CCBE1: variants seen among roughly 807,000 people sequenced by gnomAD.
The protein encoded by CCBE1 is collagen and calcium-binding EGF domain-containing protein 1.
Under a neutral mutation model 50.0 loss-of-function variants are expected in CCBE1, and 37 were observed. The observed-to-expected ratio is 0.74, with a 90% CI of 0.57 to 0.97. The LOEUF is 0.97. Ranked by LOEUF, CCBE1 falls within the 50% of genes least tolerant of loss-of-function variation. The probability of loss-of-function intolerance (pLI) is 0.00; values close to 1 mark genes in which losing one functional copy is unlikely to be tolerated. For synonymous variants in CCBE1, 234 were observed against 203.7 expected (o/e 1.15, Z -1.27); for missense variants, 538 against 523.8 (o/e 1.03, Z -0.26).
rs578026689 is a variant in CCBE1, at chr18:59,627,568, G to A, written c.212+69061C>T. ...AGATGAGGTCACACTGGCTTAGAGC[G>A]GGACCTAATCCAATGAATAGTGTCA... is the stretch of plus-strand genomic sequence containing the variant. On this transcript the variant is annotated intron_variant, in intron 2 of 10. Transcript: ENST00000439986. 3.7e-3 allele frequency among the ~76,000 whole-genome samples: 568 copies of A among 152,260 alleles called. 2 individuals are homozygous for A. The highest frequency in any genetic ancestry group is 8.3e-3 in the South Asian group (40 of 4,824).
At chr18:59,507,709 C>A (rs1913939738) in intron 2 of CCBE1, among the ~76,000 whole-genome samples, 1 of 152,122 alleles carries the variant, frequency 6.6e-6, no homozygotes, top group African/African-American at 2.4e-5. Context: ...ACCATGAAAC[C>A]AAATGAACTG....
intron 2 of CCBE1, among the ~76,000 whole-genome samples, chr18:59,606,195 A>G (rs2053497008): frequency 6.6e-6 from 1 of 152,202 alleles, no homozygotes. Context: ...ACATTTGTGT[A>G]TGTTTTGCAT....
chr18:59,679,549 C>T (rs1489127317), intron 2 of CCBE1, among the ~76,000 whole-genome samples: 1 of 152,296 alleles, frequency 6.6e-6, no homozygotes, highest in East Asian at 1.9e-4. Context: ...GAGCATATGA[C>T]TCTCCATTGG....
chr18:59,476,655 G>C (rs1229905986), intron 3 of CCBE1, among the ~76,000 whole-genome samples: 1 of 152,232 alleles, frequency 6.6e-6, no homozygotes, highest in African/African-American at 2.4e-5. Context: ...CCCTGACTTA[G>C]AGCAGCAAAT....
chr18:59,652,662 C>T (rs2054140693), intron 2 of CCBE1, among the ~76,000 whole-genome samples: 1 of 152,178 alleles, frequency 6.6e-6, no homozygotes, highest in African/African-American at 2.4e-5. Context: ...GACATTTTTC[C>T]CAGCTAAAGA....
intron 2 of CCBE1, among the ~76,000 whole-genome samples, chr18:59,628,733 T>C (rs753000288): frequency 2.0e-5 from 3 of 152,162 alleles, no homozygotes; most frequent in African/African-American, 4.8e-5. Context: ...GACCTGTATG[T>C]CCAAGTGCCA....
At chr18:59,674,177 T>C (rs1275793462) in intron 2 of CCBE1, among the ~76,000 whole-genome samples, 2 of 152,182 alleles carry the variant, frequency 1.3e-5, no homozygotes, top group African/African-American at 4.8e-5. Context: ...CATGCACATG[T>C]ATGTTTATTG....
intron 2 of CCBE1, among the ~76,000 whole-genome samples, chr18:59,639,092 G>C (rs906560462): frequency 1.3e-5 from 2 of 152,136 alleles, no homozygotes; most frequent in Non-Finnish European, 2.9e-5. Flanking sequence ...TGAGCAACAT[G>C]GCAAAACTTT....
chr18:59,613,125 T>G (rs1477447477), intron 2 of CCBE1, among the ~76,000 whole-genome samples: 1 of 151,846 alleles, frequency 6.6e-6, no homozygotes, highest in Non-Finnish European at 1.5e-5. Flanking sequence ...CGGAAGTAAC[T>G]GGATTAAAAA....
chr18:59,451,531 C>T (rs886684081), intron 6 of CCBE1, among the ~76,000 whole-genome samples: 1 of 151,722 alleles, frequency 6.6e-6, no homozygotes, highest in African/African-American at 2.4e-5. Context: ...TGACAGGCAT[C>T]GAATCTATCC....
intron 2 of CCBE1, among the ~76,000 whole-genome samples, chr18:59,559,845 G>A (rs1036964212): frequency 1.3e-5 from 2 of 152,202 alleles, no homozygotes. Flanking sequence ...AGATATTCTG[G>A]GGGTGGATGT....
chr18:59,692,955 AGC>A (rs1491562376), intron 2 of CCBE1, among the ~76,000 whole-genome samples: 11,916 of 143,002 alleles, frequency 0.083, 602 homozygotes, highest in Admixed American at 0.1. Flanking sequence ...GTCAAGCCAA[AGC>A]ACACACACAC....
At chr18:59,662,218 G>A (rs2054296008) in intron 2 of CCBE1, among the ~76,000 whole-genome samples, 1 of 152,202 alleles carries the variant, frequency 6.6e-6, no homozygotes, top group African/African-American at 2.4e-5. Flanking sequence ...CTGTATGACA[G>A]CTGACACCAG....
At chr18:59,595,252 T>C (rs550568628) in intron 2 of CCBE1, among the ~76,000 whole-genome samples, 1 of 150,980 alleles carries the variant, frequency 6.6e-6, no homozygotes, top group Admixed American at 6.6e-5. Context: ...GACAAGGACC[T>C]ATCCTTCCCC....
At chr18:59,457,217 T>C (rs537802561) in intron 5 of CCBE1, among the ~76,000 whole-genome samples, 1 of 152,346 alleles carries the variant, frequency 6.6e-6, no homozygotes, top group Non-Finnish European at 1.5e-5. Flanking sequence ...TCCTCACCTG[T>C]ACTCCCTTCA....
At chr18:59,619,831 G>A (rs975067649) in intron 2 of CCBE1, among the ~76,000 whole-genome samples, 2 of 152,052 alleles carry the variant, frequency 1.3e-5, no homozygotes, top group African/African-American at 4.8e-5. Context: ...AACTATTCCA[G>A]CTGAATTTAT....
intron 2 of CCBE1, among the ~76,000 whole-genome samples, chr18:59,508,130 A>G (rs1168074235): frequency 6.6e-6 from 1 of 151,590 alleles, no homozygotes; most frequent in Admixed American, 6.6e-5. Context: ...GGACCTCATG[A>G]TCCGCCCGCC....
chr18:59,579,399 TAA>T (rs111786909), intron 2 of CCBE1, among the ~76,000 whole-genome samples: 5 of 140,964 alleles, frequency 3.5e-5, no homozygotes, highest in Middle Eastern at 3.7e-3. Context: ...TGGGGATCTT[TAA>T]AAAAAAAAAA....
intron 2 of CCBE1, among the ~76,000 whole-genome samples, chr18:59,541,286 A>G (rs1915455187): frequency 6.6e-6 from 1 of 152,260 alleles, no homozygotes; most frequent in African/African-American, 2.4e-5. Flanking sequence ...GAAAATCATG[A>G]CAAATGTTCT....
Sources: allele counts gnomAD v4.1 joint callset (sites outside exome capture counted in the v4.1 genomes callset), GRCh38; gene constraint gnomAD v4.1.1; transcripts MANE v1.5; gene names NCBI Gene and HGNC (gene_info 2026-07-23, HGNC 2026-07-21).